Variants in YME1L1 observed in about 807,000 individuals in gnomAD.
The protein encoded by YME1L1 is ATP-dependent zinc metalloprotease YME1L1.
A neutral mutation model predicts 90.4 loss-of-function variants in YME1L1; 39 were observed. The observed-to-expected ratio is 0.43, with a 90% confidence interval of 0.33 to 0.56. The LOEUF is 0.56. Among genes scored for constraint, YME1L1 ranks in the 20% least tolerant of loss-of-function variants. The pLI is 0.03. For synonymous variants in YME1L1, 284 were observed against 287.3 expected (o/e 0.99, Z 0.12); for missense variants, 617 against 868.4 (o/e 0.71, Z 3.64).
Position 27,148,905 on chromosome 10 carries a change from C to G in YME1L1, c.168+1G>C. ...CTCACACAACCAGGATAAAGACTTA[C>G]CTCACTGCTGGGAGCCTCATGCTCA... On this transcript the variant is annotated splice_donor_variant, in intron 2 of 18. Transcript: ENST00000376016. LOFTEE classifies it high-confidence loss of function. 1 of 1,613,704 alleles carries G rather than the reference C, an allele frequency of 6.2e-7. No homozygotes were observed. Among genetic ancestry groups the G allele is most frequent in the Non-Finnish European group, 8.5e-7 (1 of 1,179,942 alleles).
chr10:27,120,832 A>G (rs1306065280), intron 12 of YME1L1, among the ~76,000 whole-genome samples: 1 of 152,228 alleles, frequency 6.6e-6, no homozygotes, highest in Non-Finnish European at 1.5e-5. Context: ...AAATAATTCC[A>G]CAACAAACTA....
intron 1 of YME1L1, 56 bp from the exon 2 acceptor site, chr10:27,149,096 A>C: frequency 2.8e-6 from 4 of 1,435,506 alleles, no homozygotes; most frequent in African/African-American, 1.4e-5. Context: ...AAACAGAACA[A>C]TCTCCTTTTT....
chr10:27,148,736 T>C lies in YME1L1; in HGVS notation c.168+170A>G, dbSNP rs11015571. Among the ~76,000 whole-genome samples, 36,662 of 148,898 alleles carry C rather than the reference T, an allele frequency of 0.25. 4,984 individuals are homozygous for C. Among genetic ancestry groups the C allele is most frequent in the East Asian group, 0.56 (2,909 of 5,164 alleles). The stretch of plus-strand genomic sequence containing the variant: ...GTTAATGGACCCTTTATTTTATCGG[T>C]AAGGCTTCCTGGTCAATAGTAGGGT... On this transcript the variant is annotated intron_variant, in intron 2 of 18. Transcript: ENST00000376016.
chr10:27,143,578 G>A (rs144053890), intron 3 of YME1L1, among the ~76,000 whole-genome samples: 281 of 149,898 alleles, frequency 1.9e-3, no homozygotes, highest in Non-Finnish European at 2.6e-3. Context: ...GATGCGTGTA[G>A]TCCCAGCTGC....
intron 9 of YME1L1, among the ~76,000 whole-genome samples, chr10:27,125,608 T>G (rs944670792): frequency 9.9e-5 from 15 of 151,758 alleles, no homozygotes; most frequent in Non-Finnish European, 2.1e-4. Context: ...ACTCTAAATT[T>G]GATAATGGTT....
At chr10:27,139,921 C>A (rs1456846233) in intron 4 of YME1L1, among the ~76,000 whole-genome samples, 1 of 151,970 alleles carries the variant, frequency 6.6e-6, no homozygotes, top group Non-Finnish European at 1.5e-5. Flanking sequence ...CTATTTCCAC[C>A]TATTATTTTA....
At position 27,149,711 on chromosome 10, in the gene YME1L1, C is replaced by CAAAA. The variant is rs58900380; in HGVS notation, c.34-675_34-672dup. ...GGGCAACAGGGTGAGACCTGTCTCT[C>CAAAA]AAAAAAAAAAAAAAAAAAAAAAAAA... On this transcript the variant is annotated intron_variant, in intron 1 of 18. Transcript: ENST00000376016. 1.3e-3 allele frequency among the ~76,000 whole-genome samples: 42 copies of CAAAA among 32,360 alleles called. 2 individuals carry two copies. The highest frequency in any genetic ancestry group is 2.2e-3 in the East Asian group (2 of 910). 21.2% of individuals were successfully genotyped at this position (32,360 alleles called of 152,430 possible). A position where few individuals can be genotyped will look rare whatever the true frequency, so the allele number is the denominator to read the frequency against.
At chr10:27,142,069 TA>T (rs2057093874) in intron 4 of YME1L1, among the ~76,000 whole-genome samples, 1 of 152,010 alleles carries the variant, frequency 6.6e-6, no homozygotes, top group East Asian at 1.9e-4. Context: ...CTCATATATA[TA>T]TATATAAAAT....
At chr10:27,112,779 C>T (rs1483989649) in intron 18 of YME1L1, among the ~76,000 whole-genome samples, 6 of 148,746 alleles carry the variant, frequency 4.0e-5, no homozygotes, top group East Asian at 1.9e-4. Flanking sequence ...CAACTCACTA[C>T]GGCCTCAACC....
At chr10:27,132,008 G>C in intron 7 of YME1L1, 67 bp from the exon 8 acceptor site, 1 of 1,351,696 alleles carries the variant, frequency 7.4e-7, no homozygotes, top group Non-Finnish European at 1.0e-6. Context: ...TTGTTTTTTA[G>C]ATGCAAGAAA....
intron 6 of YME1L1, 93 bp from the exon 7 acceptor site, chr10:27,134,215 T>C (rs1474594649): frequency 6.1e-6 from 6 of 982,644 alleles, no homozygotes; most frequent in African/African-American, 3.3e-5. Context: ...TTAATAATCA[T>C]ATTTCATCAC....
intron 4 of YME1L1, among the ~76,000 whole-genome samples, chr10:27,138,675 T>C (rs1564465001): frequency 6.6e-6 from 1 of 152,202 alleles, no homozygotes; most frequent in Non-Finnish European, 1.5e-5. Context: ...GAACTCTTTA[T>C]TTCAACAGCC....
At chr10:27,118,455 A>C (rs1268855612) in intron 14 of YME1L1, among the ~76,000 whole-genome samples, 1 of 151,988 alleles carries the variant, frequency 6.6e-6, no homozygotes, top group Non-Finnish European at 1.5e-5. Flanking sequence ...CTAATTTTTA[A>C]AATTTTTGGT....
At chr10:27,139,345 T>C (rs1311099842) in intron 4 of YME1L1, among the ~76,000 whole-genome samples, 3 of 152,080 alleles carry the variant, frequency 2.0e-5, no homozygotes, top group African/African-American at 7.2e-5. Context: ...AGGGGCATGA[T>C]ACCACGACGG....
chr10:27,116,743 A>C (rs1212136632), intron 15 of YME1L1, among the ~76,000 whole-genome samples: 1 of 152,140 alleles, frequency 6.6e-6, no homozygotes, highest in Non-Finnish European at 1.5e-5. Flanking sequence ...AAATTCAGAT[A>C]CAGGCTGGGT....
Sources: allele counts gnomAD v4.1 joint callset (sites outside exome capture counted in the v4.1 genomes callset), GRCh38; gene constraint gnomAD v4.1.1; transcripts MANE v1.5; gene names NCBI Gene and HGNC (gene_info 2026-07-23, HGNC 2026-07-21).